SLC44A5: variants seen among roughly 807,000 people sequenced by gnomAD.
SLC44A5 encodes choline transporter-like protein 5.
A neutral mutation model predicts 101.8 loss-of-function variants in SLC44A5; 57 were observed. The observed-to-expected ratio is 0.56, with a 90% CI of 0.45 to 0.70. The LOEUF is 0.70. Ranked by LOEUF, SLC44A5 falls within the 30% of genes least tolerant of loss-of-function variation. The pLI is 0.00. For missense variants in SLC44A5, 737 were observed against 853.1 expected (o/e 0.86, Z 1.70); for synonymous variants, 281 against 290.9 (o/e 0.97, Z 0.35).
chr1:75,249,348 T>C (rs1351028617), intron 7 of SLC44A5, among the ~76,000 whole-genome samples: 1 of 151,932 alleles, frequency 6.6e-6, no homozygotes. Flanking sequence ...CTAGAAAAAA[T>C]CATGAGGTAG....
chr1:75,230,443 G>A (rs1025490778), intron 12 of SLC44A5, among the ~76,000 whole-genome samples: 1 of 151,572 alleles, frequency 6.6e-6, no homozygotes, highest in Admixed American at 6.6e-5. Flanking sequence ...CAGAGACGGG[G>A]TTTCACCATG....
chr1:75,246,574 T>C (rs1379427307), intron 7 of SLC44A5, among the ~76,000 whole-genome samples: 1 of 152,048 alleles, frequency 6.6e-6, no homozygotes, highest in African/African-American at 2.4e-5. Flanking sequence ...ATAAGTAAAA[T>C]GTTTGTCATA....
At chr1:75,478,371 C>G (rs1193591474) in intron 2 of SLC44A5, among the ~76,000 whole-genome samples, 1 of 152,176 alleles carries the variant, frequency 6.6e-6, no homozygotes, top group African/African-American at 2.4e-5. Context: ...CAGCTAACAT[C>G]ATAATGACAG....
intron 22 of SLC44A5, 50 bp downstream of exon 22, chr1:75,213,655 A>G (rs767601085): frequency 3.2e-6 from 4 of 1,256,994 alleles, no homozygotes; most frequent in Non-Finnish European, 4.6e-6. Flanking sequence ...CATCCAGTCT[A>G]TAGTATTTTT....
chr1:75,213,842 T>C, intron 21 of SLC44A5, 49 bp from the exon 22 acceptor site: 2 of 1,536,038 alleles, frequency 1.3e-6, no homozygotes, highest in Non-Finnish European at 1.8e-6. Context: ...CAAAAGAATA[T>C]AGTTTTTTGT....
the SLC44A5 span, among the ~76,000 whole-genome samples, chr1:75,661,405 A>AC: frequency 6.7e-6 from 1 of 149,386 alleles, no homozygotes; most frequent in African/African-American, 2.4e-5. Flanking sequence ...AAAAAAAAAA[A>AC]AAAAAAAAAA....
At chr1:75,636,319 C>A in the SLC44A5 span, among the ~76,000 whole-genome samples, 1 of 151,894 alleles carries the variant, frequency 6.6e-6, no homozygotes, top group South Asian at 2.1e-4. Context: ...TAAGATCTGG[C>A]ACAGAGTAAA....
At chr1:75,605,077 A>G (rs866883273) in intron 1 of SLC44A5, among the ~76,000 whole-genome samples, 1 of 151,944 alleles carries the variant, frequency 6.6e-6, no homozygotes, top group African/African-American at 2.4e-5. Flanking sequence ...CCAGTTCTCA[A>G]GGGGGATGCT....
chr1:75,565,612 A>T (rs1358557336), intron 1 of SLC44A5, among the ~76,000 whole-genome samples: 3 of 151,980 alleles, frequency 2.0e-5, no homozygotes, highest in African/African-American at 7.3e-5. Context: ...TTTCTCCTTC[A>T]CTCCAGGCAG....
the SLC44A5 span, among the ~76,000 whole-genome samples, chr1:75,616,231 A>G: frequency 6.9e-6 from 1 of 145,476 alleles, no homozygotes; most frequent in African/African-American, 2.6e-5. Flanking sequence ...CCCCTTCTCC[A>G]CACCCTCCCT....
intron 1 of SLC44A5, among the ~76,000 whole-genome samples, chr1:75,544,134 C>A (rs985912251): frequency 6.6e-6 from 1 of 152,116 alleles, no homozygotes; most frequent in African/African-American, 2.4e-5. Flanking sequence ...GAGGGCTCTG[C>A]TGTTATGAAT....
the SLC44A5 span, among the ~76,000 whole-genome samples, chr1:75,644,905 C>T: frequency 1.3e-5 from 2 of 151,084 alleles, no homozygotes; most frequent in Non-Finnish European, 2.9e-5. Context: ...TTTGTCCTTG[C>T]TGAGAATGAT....
At chr1:75,665,977 T>C in the SLC44A5 span, among the ~76,000 whole-genome samples, 2 of 152,042 alleles carry the variant, frequency 1.3e-5, no homozygotes, top group Non-Finnish European at 2.9e-5. Flanking sequence ...CAAGAGATGC[T>C]GTTGAGGCTA....
At position 75,499,334 on chromosome 1, in the gene SLC44A5, C is replaced by T. The variant is rs1006985962; in HGVS notation, c.13+42101G>A. ...TAAGGTGCACACAACATAGATCCCT[C>T]GCACGTGCAGTTCACAACAGGGTTT... On this transcript the variant is annotated intron_variant, in intron 2 of 23. Transcript: ENST00000370859. Among the ~76,000 whole-genome samples, 9 of 152,296 alleles carry T rather than the reference C, an allele frequency of 5.9e-5. No individual in the cohort carries two copies. The South Asian group carries it at 6.2e-4, about 11-fold the overall frequency.
At chr1:75,567,793 ATTAT>A (rs1359988338) in intron 1 of SLC44A5, among the ~76,000 whole-genome samples, 2 of 152,220 alleles carry the variant, frequency 1.3e-5, no homozygotes, top group Admixed American at 1.3e-4. Context: ...CAGTTACGAG[ATTAT>A]TTAAGCTTTT....
chr1:75,665,990 GA>G, the SLC44A5 span, among the ~76,000 whole-genome samples: 1 of 151,950 alleles, frequency 6.6e-6, no homozygotes, highest in South Asian at 2.1e-4. Context: ...TGAGGCTACA[GA>G]AAAAAAGGGA....
the SLC44A5 span, among the ~76,000 whole-genome samples, chr1:75,634,921 C>T: frequency 2.0e-5 from 3 of 152,006 alleles, no homozygotes; most frequent in Admixed American, 6.6e-5. Context: ...TGACAAAGGG[C>T]TAATATCTAG....
chr1:75,689,644 T>A, the SLC44A5 span, among the ~76,000 whole-genome samples: 1 of 152,210 alleles, frequency 6.6e-6, no homozygotes, highest in Non-Finnish European at 1.5e-5. Flanking sequence ...GATGTTCTTA[T>A]ATTAACATTT....
chr1:75,435,314 A>G (rs1257718831), intron 2 of SLC44A5, among the ~76,000 whole-genome samples: 1 of 152,164 alleles, frequency 6.6e-6, no homozygotes, highest in Non-Finnish European at 1.5e-5. Flanking sequence ...TCTACATGTA[A>G]GATAAATGCT....
Sources: gnomAD v4.1 joint callset for allele counts (sites outside exome capture counted in the v4.1 genomes callset) on GRCh38, gnomAD v4.1.1 for gene constraint, MANE v1.5 for transcripts, NCBI Gene and HGNC (gene_info 2026-07-23, HGNC 2026-07-21) for gene names.